DLGAP2: variants seen among roughly 807,000 people sequenced by gnomAD.
The protein encoded by DLGAP2 is disks large-associated protein 2.
Under a neutral mutation model 100.3 loss-of-function variants are expected in DLGAP2, and 26 were observed. The observed-to-expected ratio is 0.26, with a 90% confidence interval of 0.19 to 0.36. DLGAP2 has a LOEUF of 0.36. Among genes scored for constraint, DLGAP2 ranks in the 10% least tolerant of loss-of-function variants. The probability of loss-of-function intolerance (pLI) is 1.00; values close to 1 mark genes in which losing one functional copy is unlikely to be tolerated. For missense variants in DLGAP2, 1,858 were observed against 1,453.2 expected (o/e 1.28, Z -4.53); for synonymous variants, 886 against 630.1 (o/e 1.41, Z -6.08).
At chr8:1,225,880 T>G (rs1289080692) in intron 2 of DLGAP2, among the ~76,000 whole-genome samples, 1 of 152,240 alleles carries the variant, frequency 6.6e-6, no homozygotes, top group Admixed American at 6.5e-5. Flanking sequence ...GCAGGTTGAT[T>G]TAGCCATTCC....
At chr8:1,666,991 C>G (rs1249004735) in intron 8 of DLGAP2, among the ~76,000 whole-genome samples, 10 of 152,198 alleles carry the variant, frequency 6.6e-5, no homozygotes, top group Non-Finnish European at 8.8e-5. Flanking sequence ...AGACGGCGCT[C>G]AGACCCCTCC....
chr8:766,020 A>C (rs777654565), intron 1 of DLGAP2, among the ~76,000 whole-genome samples: 7 of 152,158 alleles, frequency 4.6e-5, no homozygotes, highest in Non-Finnish European at 1.0e-4. Flanking sequence ...TACAAAAATC[A>C]GCTGGGCGTG....
intron 1 of DLGAP2, among the ~76,000 whole-genome samples, chr8:743,265 G>C (rs1487909611): frequency 1.3e-5 from 2 of 152,172 alleles, no homozygotes; most frequent in Admixed American, 1.3e-4. Context: ...TGAGCTTCCA[G>C]GGAGTCAAGT....
intron 2 of DLGAP2, chr8:927,138 C>T: frequency 1.0e-6 from 1 of 985,416 alleles, no homozygotes; most frequent in Non-Finnish European, 1.2e-6. Context: ...ATTGTAATTA[C>T]ATGAAGGTGA....
intron 2 of DLGAP2, among the ~76,000 whole-genome samples, chr8:1,148,632 C>G (rs1329423691): frequency 6.6e-6 from 1 of 152,064 alleles, no homozygotes; most frequent in African/African-American, 2.4e-5. Flanking sequence ...TGAGCTTCAG[C>G]TTAAAACATT....
intron 4 of DLGAP2, among the ~76,000 whole-genome samples, chr8:1,527,387 C>A (rs553081554): frequency 2.6e-5 from 4 of 152,240 alleles, no homozygotes; most frequent in African/African-American, 9.6e-5. Context: ...CACAGGCAAG[C>A]TCCCGCTTCT....
chr8:1,581,236 C>T (rs912754857), intron 6 of DLGAP2, among the ~76,000 whole-genome samples: 20 of 150,304 alleles, frequency 1.3e-4, no homozygotes, highest in Non-Finnish European at 2.4e-4. Context: ...ACAGACAAAA[C>T]CCCGCACATA....
intron 4 of DLGAP2, among the ~76,000 whole-genome samples, chr8:1,506,649 A>C (rs1799931399): frequency 6.6e-6 from 1 of 152,178 alleles, no homozygotes; most frequent in Admixed American, 6.5e-5. Context: ...TTATTCCCTT[A>C]TCTGGCCCCA....
chr8:1,112,162 ATAT>A (rs1258018625), intron 2 of DLGAP2, among the ~76,000 whole-genome samples: 1 of 150,250 alleles, frequency 6.7e-6, no homozygotes, highest in Middle Eastern at 3.2e-3. Context: ...ATGATAAATG[ATAT>A]TTAAGTTTTT....
In DLGAP2 at chr8:1,582,086, C is replaced by T. The variant is rs185528954; in HGVS notation, c.1442+16192C>T. The stretch of plus-strand genomic sequence containing the variant: ...GAAGTGAAGGATACAGACAAAACCC[C>T]GCACACATACACACCACAGTCAAAC... On this transcript the variant is annotated intron_variant, in intron 6 of 14. Coordinates refer to ENST00000637795, the MANE Select transcript of DLGAP2 (RefSeq NM_001346810.2). Among the ~76,000 whole-genome samples, 549 of 148,516 alleles carry T rather than the reference C, an allele frequency of 3.7e-3. 2 individuals carry two copies. The highest frequency in any genetic ancestry group is 0.015 in the Middle Eastern group (4 of 260).
chr8:1,184,417 T>G (rs1257770213), intron 2 of DLGAP2, among the ~76,000 whole-genome samples: 1 of 152,280 alleles, frequency 6.6e-6, no homozygotes, highest in East Asian at 1.9e-4. Flanking sequence ...TGGTAACAGT[T>G]TAATGCTGGA....
At chr8:788,476 C>A (rs1821938591) in intron 1 of DLGAP2, among the ~76,000 whole-genome samples, 1 of 152,188 alleles carries the variant, frequency 6.6e-6, no homozygotes, top group Non-Finnish European at 1.5e-5. Flanking sequence ...GCCTTTGGGG[C>A]TTCCCTGCAA....
chr8:1,509,647 G>A (rs1480292373), intron 4 of DLGAP2, among the ~76,000 whole-genome samples: 1 of 151,916 alleles, frequency 6.6e-6, no homozygotes, highest in East Asian at 1.9e-4. Flanking sequence ...CACATACACT[G>A]GAACTTGAGC....
intron 2 of DLGAP2, among the ~76,000 whole-genome samples, chr8:1,234,568 C>T (rs1186009209): frequency 2.0e-5 from 3 of 152,254 alleles, no homozygotes; most frequent in East Asian, 1.9e-4. Context: ...TTCTGAGGTC[C>T]TGCAGGTGAG....
At chr8:1,286,544 G>C (rs1201472629) in intron 3 of DLGAP2, among the ~76,000 whole-genome samples, 1 of 152,156 alleles carries the variant, frequency 6.6e-6, no homozygotes, top group African/African-American at 2.4e-5. Context: ...GCCTGTGTCT[G>C]GGATGCGGAG....
At chr8:784,541 A>G (rs1255147907) in intron 1 of DLGAP2, among the ~76,000 whole-genome samples, 3 of 152,282 alleles carry the variant, frequency 2.0e-5, no homozygotes, top group Non-Finnish European at 4.4e-5. Flanking sequence ...AATGGCTGGT[A>G]TCAAGTTGAT....
At chr8:1,555,545 C>T (rs927712163) in intron 5 of DLGAP2, among the ~76,000 whole-genome samples, 7 of 152,346 alleles carry the variant, frequency 4.6e-5, no homozygotes, top group East Asian at 1.9e-4. Context: ...GGCAGGATCT[C>T]GCTGGTGCTC....
intron 2 of DLGAP2, among the ~76,000 whole-genome samples, chr8:1,189,790 A>G (rs1392675425): frequency 1.3e-5 from 2 of 152,302 alleles, no homozygotes; most frequent in Admixed American, 6.5e-5. Flanking sequence ...GGCCACTTCC[A>G]TAAGCGGGAG....
At chr8:1,468,390 C>T (rs1031473774) in intron 3 of DLGAP2, among the ~76,000 whole-genome samples, 7 of 152,002 alleles carry the variant, frequency 4.6e-5, no homozygotes, top group South Asian at 2.1e-4. Flanking sequence ...CTGAGAACCT[C>T]GCCTGTTCAC....
Sources: allele counts gnomAD v4.1 joint callset (sites outside exome capture counted in the v4.1 genomes callset), GRCh38; gene constraint gnomAD v4.1.1; transcripts MANE v1.5; gene names NCBI Gene and HGNC (gene_info 2026-07-23, HGNC 2026-07-21).